UGT3A2: variants seen among roughly 807,000 people sequenced by gnomAD.
The protein encoded by UGT3A2 is UDP-glycosyltransferase 3A2.
UGT3A2 carries 32 observed loss-of-function variants against 39.8 expected under a neutral mutation model. That is an observed-to-expected ratio of 0.80 (90% confidence interval 0.61 to 1.08). UGT3A2 has a LOEUF of 1.08. Among genes scored for constraint, UGT3A2 ranks in the 50% least tolerant of loss-of-function variants. The pLI, the probability that UGT3A2 is intolerant of heterozygous loss-of-function variation, is 0.00. For synonymous variants in UGT3A2, 241 were observed against 230.7 expected (o/e 1.04, Z -0.40); for missense variants, 611 against 637.1 (o/e 0.96, Z 0.44).
At chr5:36,041,225 A>G (rs1741996638) in intron 4 of UGT3A2, among the ~76,000 whole-genome samples, 1 of 151,780 alleles carries the variant, frequency 6.6e-6, no homozygotes, top group Admixed American at 6.6e-5. Context: ...GAGGGAATAG[A>G]GTAAGTAGAT....
chr5:36,062,018 T>G (rs1469697979), intron 2 of UGT3A2, among the ~76,000 whole-genome samples: 1 of 151,850 alleles, frequency 6.6e-6, no homozygotes, highest in Admixed American at 6.5e-5. Context: ...TTTCATGTGT[T>G]TTTTGGCTGC....
chr5:36,064,111 ACAT>A (rs1742802524), intron 2 of UGT3A2, 135 bp downstream of exon 2: 1 of 764,112 alleles, frequency 1.3e-6, no homozygotes. Flanking sequence ...TTGGCACTTT[ACAT>A]ACACACACAC....
At chr5:36,066,198 G>A (rs1359578580) in intron 1 of UGT3A2, among the ~76,000 whole-genome samples, 2 of 152,142 alleles carry the variant, frequency 1.3e-5, no homozygotes, top group African/African-American at 4.8e-5. Flanking sequence ...ACCTGCCTGC[G>A]CCACCCTGGC....
chr5:36,056,677 T>C (rs191292683), intron 2 of UGT3A2, among the ~76,000 whole-genome samples: 4 of 152,360 alleles, frequency 2.6e-5, no homozygotes, highest in African/African-American at 9.6e-5. Context: ...AGCCATACAA[T>C]TGGCTTTCTC....
intron 2 of UGT3A2, among the ~76,000 whole-genome samples, chr5:36,057,916 G>T (rs1742565198): frequency 6.6e-6 from 1 of 152,044 alleles, no homozygotes; most frequent in Non-Finnish European, 1.5e-5. Context: ...ATTTAATTTA[G>T]TTACAATTTT....
chr5:36,036,119 T>C (rs1741820714), intron 6 of UGT3A2, 145 bp from the exon 7 acceptor site: 7 of 1,065,572 alleles, frequency 6.6e-6, no homozygotes, highest in Non-Finnish European at 2.7e-6. Flanking sequence ...CCCCTTGAAA[T>C]TTAATCATGA....
chr5:36,046,665 G>C (rs772476512), intron 4 of UGT3A2, among the ~76,000 whole-genome samples: 7 of 152,172 alleles, frequency 4.6e-5, no homozygotes, highest in African/African-American at 7.2e-5. Context: ...AATATAGTTA[G>C]AATGTATAAG....
In UGT3A2 at chr5:36,039,721, T is replaced by A; in HGVS notation, c.844-13A>T. On this transcript the variant is annotated splice_polypyrimidine_tract_variant and intron_variant, in intron 4 of 6. Transcript: ENST00000282507. ...AGTTCTCCAAGTCCTGGAGAAAGATTACCAAGGTAAAGAGGTGACAAAATT... is the reference window on the plus strand; with the variant it reads ...AGTTCTCCAAGTCCTGGAGAAAGATAACCAAGGTAAAGAGGTGACAAAATT... The A allele has an allele frequency of 1.2e-6, 2 of 1,612,540 alleles. No homozygotes were observed. Among genetic ancestry groups the A allele is most frequent in the African/African-American group, 1.3e-5 (1 of 74,994 alleles).
intron 1 of UGT3A2, among the ~76,000 whole-genome samples, chr5:36,065,113 A>G (rs1295651215): frequency 1.3e-5 from 2 of 152,136 alleles, no homozygotes; most frequent in Non-Finnish European, 2.9e-5. Context: ...GTTCCACGAA[A>G]TCAATGTCTT....
At chr5:36,055,338 T>C (rs139266358) in intron 2 of UGT3A2, among the ~76,000 whole-genome samples, 56 of 152,122 alleles carry the variant, frequency 3.7e-4, no homozygotes, top group African/African-American at 1.3e-3. Flanking sequence ...GTTCAAACGA[T>C]TCATGTGCCT....
chr5:36,036,685 T>C (rs1390219295), intron 6 of UGT3A2, among the ~76,000 whole-genome samples: 2 of 152,188 alleles, frequency 1.3e-5, no homozygotes, highest in Admixed American at 6.5e-5. Flanking sequence ...TATATAAAAT[T>C]GATCTGGAGT....
chr5:36,061,104 G>A (rs1030012123), intron 2 of UGT3A2, among the ~76,000 whole-genome samples: 11 of 152,058 alleles, frequency 7.2e-5, no homozygotes, highest in African/African-American at 2.2e-4. Flanking sequence ...CCTAGGTAAC[G>A]GAGGTTGCAG....
rs770361595 is a variant in UGT3A2, at chr5:36,066,830, G to C, written c.-41C>G. 3.1e-6 allele frequency: 5 copies of C among 1,612,792 alleles called. No individual in the cohort carries two copies. Among genetic ancestry groups the C allele is most frequent in the Non-Finnish European group, 4.2e-6 (5 of 1,178,864 alleles). On this transcript the variant is annotated 5_prime_UTR_variant, in exon 1 of 7. Transcript: ENST00000282507. ...AGCCGCGGATCTCAGCCTGGGCTGC[G>C]CGCCCTGCGCCCGGCTAAGGGACCC... is the stretch of plus-strand genomic sequence containing the variant.
chr5:36,058,268 A>G (rs1742575856), intron 2 of UGT3A2, among the ~76,000 whole-genome samples: 1 of 152,210 alleles, frequency 6.6e-6, no homozygotes, highest in Admixed American at 6.5e-5. Flanking sequence ...AGCAAGCCAG[A>G]CACAAAAGGA....
chr5:36,035,823 G>A lies in UGT3A2; in HGVS notation c.1447C>T (p.Gln483Ter). The change falls in exon 7 of 7, where the codon CAG (glutamine) becomes TAG (stop). Residue 483 changes from glutamine to a stop codon, truncating the protein, a stop_gained. Coordinates refer to ENST00000282507, the MANE Select transcript of UGT3A2 (RefSeq NM_174914.4). LOFTEE classifies it low-confidence loss of function (END_TRUNC). Reference protein sequence around the residue: ...PYVFQQPWHEQYLLDVFVFLL... With the variant: ...PYVFQQPWHE The stretch of plus-strand genomic sequence containing the variant: ...AACACAAAAACGTCGAGCAGGTACT[G>A]CTCATGCCAGGGCTGCTGAAAGACA... The A allele has an allele frequency of 6.2e-7, 1 of 1,614,194 alleles. No homozygotes were observed.
rs191685801 is a variant in UGT3A2, at chr5:36,065,001, G to T, written c.95-651C>A. Among the ~76,000 whole-genome samples, 46 of 152,290 alleles carry T rather than the reference G, an allele frequency of 3.0e-4. No homozygotes were observed. The South Asian group carries it at 3.7e-3, about 12-fold the overall frequency. On this transcript the variant is annotated intron_variant, in intron 1 of 6. Transcript: ENST00000282507. ...TGAGGACAACTGTGGGGCGCTTGGG[G>T]TGGGCCTGCTGGATCCTGGTTGCAC...
chr5:36,066,637 C>T, intron 1 of UGT3A2, 59 bp downstream of exon 1: 3 of 1,610,374 alleles, frequency 1.9e-6, no homozygotes, highest in South Asian at 1.1e-5. Flanking sequence ...TCTCTGGAGC[C>T]CTGGCAGTGC....
At chr5:36,057,537 C>CTTTT (rs531092925) in intron 2 of UGT3A2, among the ~76,000 whole-genome samples, 2 of 134,730 alleles carry the variant, frequency 1.5e-5, no homozygotes, top group Non-Finnish European at 3.3e-5. Flanking sequence ...CTCTCTCTCT[C>CTTTT]TTTTTTTTTT....
intron 6 of UGT3A2, 39 bp downstream of exon 6, chr5:36,037,758 C>T: frequency 6.2e-7 from 1 of 1,608,442 alleles, no homozygotes; most frequent in South Asian, 1.1e-5. Context: ...TTTTTGCCTT[C>T]ATTCGTCATT....
Sources: allele counts gnomAD v4.1 joint callset (sites outside exome capture counted in the v4.1 genomes callset), GRCh38; gene constraint gnomAD v4.1.1; transcripts MANE v1.5; gene names NCBI Gene and HGNC (gene_info 2026-07-23, HGNC 2026-07-21).